The following ATG13 variants were observed in gnomAD, a reference collection of about 807,000 sequenced individuals.
The protein encoded by ATG13 is autophagy-related protein 13.
In ATG13, 23 loss-of-function variants were observed where a neutral mutation model predicts 65.5. The ratio of observed to expected loss-of-function variants is 0.35; its 90% CI spans 0.25 to 0.50. The LOEUF (loss-of-function observed/expected upper bound fraction) is 0.50, where lower values mean the gene tolerates loss of function less well. ATG13 is among the 20% of genes least tolerant of loss of function. The probability of loss-of-function intolerance (pLI) is 0.98; values close to 1 mark genes in which losing one functional copy is unlikely to be tolerated. For synonymous variants in ATG13, 252 were observed against 245.2 expected (o/e 1.03, Z -0.26); for missense variants, 566 against 677.0 (o/e 0.84, Z 1.82).
chr11:46,624,245 T>C (rs1665538603), intron 1 of ATG13, among the ~76,000 whole-genome samples: 1 of 152,098 alleles, frequency 6.6e-6, no homozygotes, highest in Admixed American at 6.6e-5. Context: ...CTCAAGTGTT[T>C]ACACTCCTCA....
chr11:46,652,922 T>C (rs1013883871), intron 7 of ATG13, among the ~76,000 whole-genome samples: 2 of 152,072 alleles, frequency 1.3e-5, no homozygotes, highest in Non-Finnish European at 2.9e-5. Context: ...GCCGACCATC[T>C]GCTTGTTTTT....
intron 8 of ATG13, 50 bp from the exon 9 acceptor site, chr11:46,657,045 A>C: frequency 7.0e-7 from 1 of 1,438,694 alleles, no homozygotes; most frequent in East Asian, 2.3e-5. Flanking sequence ...GTCTGGGGGC[A>C]GTGTCAGTAT....
At position 46,632,055 on chromosome 11, in the gene ATG13, TATC is replaced by T. The variant is rs570722719; in HGVS notation, c.-14+1958_-14+1960del. Among the ~76,000 whole-genome samples the T allele has an allele frequency of 2.0e-4, 31 of 152,348 alleles. No homozygotes were observed. In the South Asian group the frequency reaches 3.9e-3, roughly 19 times the overall value. On this transcript the variant is annotated intron_variant, in intron 2 of 18. Transcript: ENST00000683050. ...AATAGTTTTTATTACTCAACTGTCT[TATC>T]ATGAAGAAAGGTCTTAATTAAATGA...
intron 18 of ATG13, among the ~76,000 whole-genome samples, chr11:46,671,753 T>A (rs965027972): frequency 6.6e-6 from 1 of 152,058 alleles, no homozygotes; most frequent in African/African-American, 2.4e-5. Context: ...AGAAAAAAAT[T>A]TAAAAATACA....
chr11:46,655,631 G>A (rs893560081), intron 7 of ATG13, among the ~76,000 whole-genome samples: 1 of 152,130 alleles, frequency 6.6e-6, no homozygotes, highest in Non-Finnish European at 1.5e-5. Flanking sequence ...AGACCTGTTG[G>A]CCACTTTTAT....
At chr11:46,649,015 A>G (rs915782657) in intron 5 of ATG13, 122 bp from the exon 6 acceptor site, 26 of 757,714 alleles carry the variant, frequency 3.4e-5, no homozygotes, top group Non-Finnish European at 5.0e-5. Flanking sequence ...TTGTTCGATT[A>G]TAAGTTGATA....
At chr11:46,671,503 C>T (rs1211832620) in intron 18 of ATG13, among the ~76,000 whole-genome samples, 2 of 152,060 alleles carry the variant, frequency 1.3e-5, no homozygotes, top group East Asian at 1.9e-4. Context: ...TTTGGGAGGC[C>T]GAGGCGGGTG....
At chr11:46,641,219 C>T (rs1299651087) in intron 2 of ATG13, among the ~76,000 whole-genome samples, 1 of 152,044 alleles carries the variant, frequency 6.6e-6, no homozygotes, top group Non-Finnish European at 1.5e-5. Flanking sequence ...TTACAGGTGC[C>T]CACCATCACA....
In ATG13 at chr11:46,667,902, A is replaced by G. The variant is rs1240217666; in HGVS notation, c.1251+15A>G. 3 of 1,583,190 alleles carry G rather than the reference A, an allele frequency of 1.9e-6. No homozygotes were observed. The highest frequency in any genetic ancestry group is 4.5e-5 in the East Asian group (2 of 44,494). On this transcript the variant is annotated intron_variant, in intron 15 of 18. Transcript: ENST00000683050. ...CCATTAACCAGGTGATTTTTCTGCC[A>G]CTGCCACCTGTGAGAATGTCTGAGT...
intron 1 of ATG13, among the ~76,000 whole-genome samples, chr11:46,622,115 A>ATATATG (rs2047854685): frequency 1.2e-5 from 1 of 80,678 alleles, no homozygotes; most frequent in Admixed American, 1.2e-4. Flanking sequence ...ATATATATAT[A>ATATATG]TATATATATA....
intron 1 of ATG13, among the ~76,000 whole-genome samples, chr11:46,622,396 C>T (rs1355567155): frequency 1.3e-5 from 2 of 151,730 alleles, no homozygotes; most frequent in African/African-American, 2.4e-5. Flanking sequence ...GGATTACAGG[C>T]GTGAGCCACC....
intron 5 of ATG13, chr11:46,648,932 GTATT>G: frequency 2.5e-6 from 1 of 400,080 alleles, no homozygotes. Context: ...ATTCCATGAC[GTATT>G]TATTAAGAAA....
intron 2 of ATG13, among the ~76,000 whole-genome samples, chr11:46,643,076 G>A (rs988748244): frequency 6.6e-6 from 1 of 152,190 alleles, no homozygotes; most frequent in Non-Finnish European, 1.5e-5. Flanking sequence ...AACTTGCCTA[G>A]TTCTGGTTGG....
intron 18 of ATG13, among the ~76,000 whole-genome samples, chr11:46,669,885 G>T (rs2063307570): frequency 6.6e-6 from 1 of 152,160 alleles, no homozygotes; most frequent in South Asian, 2.1e-4. Context: ...GGGCAGAGGA[G>T]ATTGTGAGGT....
At chr11:46,671,605 C>T (rs533917197) in intron 18 of ATG13, among the ~76,000 whole-genome samples, 12 of 152,226 alleles carry the variant, frequency 7.9e-5, no homozygotes, top group Admixed American at 3.9e-4. Flanking sequence ...GGCTTGGTGA[C>T]GGGCGCCTCA....
intron 14 of ATG13, among the ~76,000 whole-genome samples, chr11:46,666,695 G>C (rs866590040): frequency 2.0e-5 from 3 of 152,178 alleles, no homozygotes; most frequent in Non-Finnish European, 4.4e-5. Context: ...CAGATTCTCT[G>C]ACTCCAGAGC....
chr11:46,649,482 T>C (rs1000468669), intron 6 of ATG13, among the ~76,000 whole-genome samples: 1 of 152,246 alleles, frequency 6.6e-6, no homozygotes, highest in Non-Finnish European at 1.5e-5. Context: ...TTAAATCCCT[T>C]GCGAGCTCTT....
intron 3 of ATG13, 39 bp from the exon 4 acceptor site, chr11:46,645,300 A>G (rs771571345): frequency 3.6e-5 from 57 of 1,581,580 alleles, no homozygotes; most frequent in Admixed American, 7.2e-5. Context: ...AAGACTTTTC[A>G]TCATTTTAGG....
rs766804955 is a variant in ATG13 at position 46,644,285 on chromosome 11, A to G, written c.-7A>G. Reference sequence around the variant, plus strand: ...TTTCACTTTTTTTTTTTAGATTCCTATAGGCAATGGAAACTGATCTCAATT... The same window carrying G: ...TTTCACTTTTTTTTTTTAGATTCCTGTAGGCAATGGAAACTGATCTCAATT... On this transcript the variant is annotated 5_prime_UTR_variant, in exon 3 of 19. Transcript: ENST00000683050. 1.4e-5 allele frequency: 23 copies of G among 1,589,558 alleles called. No homozygotes were observed. The highest frequency in any genetic ancestry group is 3.8e-5 in the Admixed American group (2 of 53,288).
Sources: gnomAD v4.1 joint callset for allele counts (sites outside exome capture counted in the v4.1 genomes callset) on GRCh38, gnomAD v4.1.1 for gene constraint, MANE v1.5 for transcripts, NCBI Gene and HGNC (gene_info 2026-07-23, HGNC 2026-07-21) for gene names.